RFT1: variants seen among roughly 807,000 people sequenced by gnomAD.
RFT1 encodes the protein man(5)GlcNAc(2)-PP-dolichol translocation protein RFT1.
Under a neutral mutation model 62.2 loss-of-function variants are expected in RFT1, and 43 were observed. The observed-to-expected ratio is 0.69, with a 90% CI of 0.54 to 0.89. The LOEUF is 0.89. Among genes scored for constraint, RFT1 ranks in the 40% least tolerant of loss-of-function variants. The probability of loss-of-function intolerance (pLI) is 0.00; values close to 1 mark genes in which losing one functional copy is unlikely to be tolerated. For missense variants in RFT1, 605 were observed against 649.9 expected (o/e 0.93, Z 0.75); for synonymous variants, 262 against 264.6 (o/e 0.99, Z 0.10).
At chr3:53,095,063 C>A (rs551196395) in intron 11 of RFT1, among the ~76,000 whole-genome samples, 1 of 149,206 alleles carries the variant, frequency 6.7e-6, no homozygotes, top group Non-Finnish European at 1.5e-5. Context: ...GTCAAGAGAT[C>A]GAGACCGTCC....
chr3:53,120,959 A>C (rs1321346454), intron 5 of RFT1, among the ~76,000 whole-genome samples: 1 of 152,220 alleles, frequency 6.6e-6, no homozygotes, highest in African/African-American at 2.4e-5. Context: ...CACCCACCTG[A>C]TGCCAGTGTC....
chr3:53,125,812 G>C (rs1451003199), intron 2 of RFT1, 97 bp downstream of exon 2: 1 of 947,740 alleles, frequency 1.1e-6, no homozygotes, highest in Non-Finnish European at 1.7e-6. Flanking sequence ...AAAGGTCCAT[G>C]CTTCTAGAAT....
At chr3:53,083,416 G>A in the RFT1 span, among the ~76,000 whole-genome samples, 1 of 149,026 alleles carries the variant, frequency 6.7e-6, no homozygotes, top group African/African-American at 2.5e-5. Context: ...GATCTCTTGA[G>A]CCCAGGAGAT....
chr3:53,073,087 G>C, the RFT1 span, among the ~76,000 whole-genome samples: 2,354 of 152,360 alleles, frequency 0.015, 61 homozygotes, highest in African/African-American at 0.054. Flanking sequence ...GTGGTCCTGG[G>C]CTGTGCCACA....
the RFT1 span, chr3:53,077,809 C>T: frequency 2.0e-5 from 3 of 152,278 alleles, no homozygotes. Flanking sequence ...TCCACTGCTC[C>T]TCCATGGTTT....
At chr3:53,101,542 A>C (rs1701314147) in intron 10 of RFT1, among the ~76,000 whole-genome samples, 1 of 152,184 alleles carries the variant, frequency 6.6e-6, no homozygotes, top group Non-Finnish European at 1.5e-5. Flanking sequence ...GAATTCAAGA[A>C]TGGAACCAAC....
chr3:53,073,856 G>A, the RFT1 span, among the ~76,000 whole-genome samples: 1 of 152,204 alleles, frequency 6.6e-6, no homozygotes, highest in South Asian at 2.1e-4. Context: ...CTAGGGAAGA[G>A]CCTGTCCCAG....
intron 5 of RFT1, among the ~76,000 whole-genome samples, chr3:53,120,891 AC>A (rs1476199625): frequency 6.6e-6 from 1 of 152,174 alleles, no homozygotes; most frequent in Admixed American, 6.6e-5. Context: ...CCCATCATCC[AC>A]CAGCCTTCTT....
At chr3:53,103,161 G>C (rs1451946076) in intron 10 of RFT1, 1 of 985,330 alleles carries the variant, frequency 1.0e-6, no homozygotes, top group Non-Finnish European at 1.2e-6. Context: ...CCCCATTGTA[G>C]TGGAGACTAA....
intron 6 of RFT1, among the ~76,000 whole-genome samples, chr3:53,117,061 G>A (rs1249206496): frequency 1.3e-5 from 2 of 152,200 alleles, no homozygotes; most frequent in Non-Finnish European, 2.9e-5. Context: ...CCAGCAAAAG[G>A]TGGAGAGAAG....
intron 7 of RFT1, among the ~76,000 whole-genome samples, chr3:53,107,639 A>AAATTT (rs1489527707): frequency 2.1e-4 from 32 of 151,262 alleles, no homozygotes; most frequent in African/African-American, 7.3e-4. Flanking sequence ...AGACTGTCTT[A>AAATTT]GATTTGAATC....
intron 3 of RFT1, 90 bp downstream of exon 3, chr3:53,123,634 A>G (rs200023540): frequency 6.1e-4 from 625 of 1,016,638 alleles, no homozygotes; most frequent in Non-Finnish European, 8.8e-4. Context: ...TCTGGGGGCA[A>G]TTCAGCTTTA....
chr3:53,079,179 A>G, the RFT1 span, among the ~76,000 whole-genome samples: 1 of 152,224 alleles, frequency 6.6e-6, no homozygotes, highest in Non-Finnish European at 1.5e-5. Flanking sequence ...GAAATGAGGG[A>G]GGCCTTTAGC....
chr3:53,072,560 T>C, the RFT1 span, among the ~76,000 whole-genome samples: 1 of 152,126 alleles, frequency 6.6e-6, no homozygotes, highest in African/African-American at 2.4e-5. Context: ...ACTGATGTTG[T>C]AAGAAGGGGA....
chr3:53,081,441 G>C, the RFT1 span, among the ~76,000 whole-genome samples: 1 of 152,082 alleles, frequency 6.6e-6, no homozygotes, highest in African/African-American at 2.4e-5. Flanking sequence ...AGGAAAGAAG[G>C]GTGGATGTGG....
At chr3:53,098,439 T>C (rs910925991) in intron 11 of RFT1, among the ~76,000 whole-genome samples, 4 of 146,838 alleles carry the variant, frequency 2.7e-5, no homozygotes, top group African/African-American at 9.8e-5. Context: ...AGACACTCCC[T>C]CCCCATCCCA....
At chr3:53,088,242 G>A (rs2581783), downstream of RFT1, among the ~76,000 whole-genome samples, 73,326 of 151,602 alleles carry the variant, frequency 0.48, 19,562 homozygotes, top group East Asian at 0.73. Context: ...AAGGGGGGAT[G>A]GGGAGAGGAG....
chr3:53,127,929 C>A (rs550943553), intron 1 of RFT1, among the ~76,000 whole-genome samples: 59 of 152,216 alleles, frequency 3.9e-4, no homozygotes, highest in African/African-American at 1.4e-3. Context: ...ACAAAGCTAC[C>A]TGAAGTGTCT....
chr3:53,126,009 G>A lies in RFT1; in HGVS notation c.64-15C>T. On this transcript the variant is annotated splice_polypyrimidine_tract_variant and intron_variant, in intron 1 of 12. Coordinates refer to ENST00000296292, the MANE Select transcript of RFT1 (RefSeq NM_052859.4). The stretch of plus-strand genomic sequence containing the variant: ...CGAAACAACACCTATAGAAAAAGAG[G>A]AAAAATACGTAAGAATAAATGACGT... 1 of 1,586,584 alleles carries A rather than the reference G, an allele frequency of 6.3e-7. No individual in the cohort carries two copies.
Sources: allele counts gnomAD v4.1 joint callset (sites outside exome capture counted in the v4.1 genomes callset), GRCh38; gene constraint gnomAD v4.1.1; transcripts MANE v1.5; gene names NCBI Gene and HGNC (gene_info 2026-07-23, HGNC 2026-07-21).